FABP6: variants seen among roughly 807,000 people sequenced by gnomAD.
The protein encoded by FABP6 is gastrotropin.
FABP6 carries 13 observed loss-of-function variants against 14.9 expected under a neutral mutation model. The observed-to-expected ratio is 0.87, with a 90% confidence interval of 0.57 to 1.39. The LOEUF is 1.39. Among genes scored for constraint, FABP6 ranks in the 40% most tolerant of loss-of-function variants. The probability of loss-of-function intolerance (pLI) is 0.00; values close to 1 mark genes in which losing one functional copy is unlikely to be tolerated. For synonymous variants in FABP6, 75 were observed against 63.6 expected (o/e 1.18, Z -0.85); for missense variants, 161 against 167.2 (o/e 0.96, Z 0.20).
At chr5:160,202,777 G>T (rs1258998048) in intron 2 of FABP6, among the ~76,000 whole-genome samples, 1 of 145,498 alleles carries the variant, frequency 6.9e-6, no homozygotes, top group Non-Finnish European at 1.5e-5. Flanking sequence ...CCAGCCTGGG[G>T]AACAGAGCGA....
At position 160,229,583 on chromosome 5, in the gene FABP6, T is replaced by C; in HGVS notation, c.26T>C (p.Met9Thr). MAFTGKFE[M>T]ESEKNYDEFM... is the part of the protein sequence containing the mutation. ...ATGGCTTTCACCGGCAAGTTCGAGA[T>C]GGAGAGTGAGAAGAATTATGATGAG... The change falls in exon 1 of 4, where the codon ATG (methionine) becomes ACG (threonine). Residue 9 changes from methionine (M) to threonine (T), a missense_variant. Coordinates refer to ENST00000402432, the MANE Select transcript of FABP6 (RefSeq NM_001445.3). 1 of 1,613,976 alleles carries C rather than the reference T, an allele frequency of 6.2e-7. No homozygotes were observed. The highest frequency in any genetic ancestry group is 8.5e-7 in the Non-Finnish European group (1 of 1,179,916).
In FABP6 at chr5:160,238,595, G is replaced by C; in HGVS notation, c.334-11G>C. The C allele has an allele frequency of 1.2e-6, 2 of 1,613,716 alleles. No homozygotes were observed. Among genetic ancestry groups the C allele is most frequent in the South Asian group, 2.2e-5 (2 of 91,054 alleles). On this transcript the variant is annotated splice_polypyrimidine_tract_variant and intron_variant, in intron 3 of 3. Transcript: ENST00000402432. Reference sequence around the variant, plus strand: ...GGCACTGACTCCCTCTGTCCCGGCTGCTTCTTTCAGGTCTCCACCATCGGA... The same window carrying C: ...GGCACTGACTCCCTCTGTCCCGGCTCCTTCTTTCAGGTCTCCACCATCGGA...
intron 1 of FABP6, among the ~76,000 whole-genome samples, chr5:160,190,177 T>C (rs541524272): frequency 2.0e-5 from 3 of 152,328 alleles, no homozygotes; most frequent in African/African-American, 7.2e-5. Context: ...ATAACCTCTT[T>C]GGTCAAGGGA....
intron 3 of FABP6, among the ~76,000 whole-genome samples, chr5:160,221,012 C>A (rs1760117847): frequency 6.6e-6 from 1 of 151,092 alleles, no homozygotes. Context: ...TTGCTTGAAC[C>A]CTGGAGGCGG....
intron 3 of FABP6, among the ~76,000 whole-genome samples, chr5:160,215,342 C>T (rs147176969): frequency 0.02 from 3,032 of 152,074 alleles, 74 homozygotes; most frequent in African/African-American, 0.06. Context: ...GGTGAAACCC[C>T]GTCTTTACTA....
intron 3 of FABP6, among the ~76,000 whole-genome samples, chr5:160,223,671 T>G (rs1209897078): frequency 4.6e-5 from 7 of 151,476 alleles, no homozygotes; most frequent in Non-Finnish European, 8.8e-5. Flanking sequence ...AAGCGATCTT[T>G]CCGCCTCGGC....
In FABP6 at chr5:160,238,613, C is replaced by T. The variant is rs922164350; in HGVS notation, c.341C>T (p.Thr114Ile). The change falls in exon 4 of 4, where the codon ACC becomes ATC. Residue 114 changes from threonine (T) to isoleucine (I), a missense_variant. Physicochemically the swap from Thr to Ile is moderately conservative, Grantham distance 89 (BLOSUM62 -1). Coordinates refer to ENST00000402432, the MANE Select transcript of FABP6 (RefSeq NM_001445.3). ...IVGDKLVEVS[T>I]IGGVTYERVS... The stretch of plus-strand genomic sequence containing the variant: ...CCCGGCTGCTTCTTTCAGGTCTCCA[C>T]CATCGGAGGCGTGACCTATGAGCGC... 10 of 1,613,984 alleles carry T rather than the reference C, an allele frequency of 6.2e-6. No individual in the cohort carries two copies. Among genetic ancestry groups the T allele is most frequent in the Non-Finnish European group, 8.5e-6 (10 of 1,179,868 alleles).
At chr5:160,222,324 TTTC>T (rs769960101) in intron 3 of FABP6, among the ~76,000 whole-genome samples, 1 of 152,004 alleles carries the variant, frequency 6.6e-6, no homozygotes, top group African/African-American at 2.4e-5. Context: ...TACATTTTCT[TTTC>T]TTCTTCTTCT....
intron 3 of FABP6, among the ~76,000 whole-genome samples, chr5:160,235,543 T>G (rs1451079219): frequency 6.6e-6 from 1 of 152,158 alleles, no homozygotes; most frequent in Non-Finnish European, 1.5e-5. Context: ...TTCCCGTGGG[T>G]CTCCAAGTTT....
chr5:160,210,605 C>G (rs937096533), intron 2 of FABP6, among the ~76,000 whole-genome samples: 1 of 152,196 alleles, frequency 6.6e-6, no homozygotes, highest in Non-Finnish European at 1.5e-5. Flanking sequence ...CTTGCCTCAG[C>G]TCGAAGACCT....
At chr5:160,234,685 C>A in intron 2 of FABP6, 135 bp from the exon 3 acceptor site, 1 of 465,700 alleles carries the variant, frequency 2.1e-6, no homozygotes, top group Non-Finnish European at 3.7e-6. Context: ...CCTCAGTCTC[C>A]CAAAGTGCTG....
At chr5:160,214,962 T>C (rs1759981781) in intron 3 of FABP6, among the ~76,000 whole-genome samples, 1 of 152,142 alleles carries the variant, frequency 6.6e-6, no homozygotes, top group African/African-American at 2.4e-5. Context: ...CTGGTCACCA[T>C]CTCAGAGGTC....
At chr5:160,223,222 TTTG>T (rs1760165413) in intron 3 of FABP6, among the ~76,000 whole-genome samples, 1 of 152,172 alleles carries the variant, frequency 6.6e-6, no homozygotes, top group Non-Finnish European at 1.5e-5. Context: ...GTATTCAAGC[TTTG>T]TTATTATTTT....
chr5:160,205,153 C>T (rs1403678681), intron 2 of FABP6, among the ~76,000 whole-genome samples: 1 of 151,928 alleles, frequency 6.6e-6, no homozygotes, highest in Non-Finnish European at 1.5e-5. Context: ...CCGAGTCTTC[C>T]ATCTGGCATG....
intron 2 of FABP6, among the ~76,000 whole-genome samples, chr5:160,199,872 C>G (rs1759599540): frequency 6.6e-6 from 1 of 152,180 alleles, no homozygotes; most frequent in African/African-American, 2.4e-5. Flanking sequence ...GAGAGACAGG[C>G]CGTCCTACAA....
upstream of FABP6, among the ~76,000 whole-genome samples, chr5:160,225,663 G>T (rs914141048): frequency 2.6e-5 from 4 of 152,036 alleles, no homozygotes; most frequent in Non-Finnish European, 5.9e-5. Context: ...GCCTCCCAAA[G>T]TGCTGGGATT....
chr5:160,229,516 C>G lies in FABP6; in HGVS notation c.-42C>G. 1.2e-6 allele frequency: 2 copies of G among 1,613,542 alleles called. No individual in the cohort carries two copies. Among genetic ancestry groups the G allele is most frequent in the South Asian group, 1.1e-5 (1 of 91,006 alleles). ...AGCAGACCCCTCAGCACCACCCATT[C>G]TCCTCATCCCTCTGCTCTCTGGCCT... On this transcript the variant is annotated 5_prime_UTR_variant, in exon 1 of 4. Coordinates refer to ENST00000402432, the MANE Select transcript of FABP6 (RefSeq NM_001445.3).
intron 3 of FABP6, among the ~76,000 whole-genome samples, chr5:160,220,944 C>T (rs571917071): frequency 1.6e-4 from 24 of 151,764 alleles, no homozygotes; most frequent in Non-Finnish European, 1.9e-4. Flanking sequence ...AAAAATTAGC[C>T]GGGCGTGGTC....
chr5:160,201,790 G>T (rs1049604633), intron 2 of FABP6, among the ~76,000 whole-genome samples: 2 of 151,932 alleles, frequency 1.3e-5, no homozygotes, highest in East Asian at 1.9e-4. Context: ...TTGCGACAGG[G>T]TCTTACTCTA....
Sources: gnomAD v4.1 joint callset for allele counts (sites outside exome capture counted in the v4.1 genomes callset) on GRCh38, gnomAD v4.1.1 for gene constraint, MANE v1.5 for transcripts, NCBI Gene and HGNC (gene_info 2026-07-23, HGNC 2026-07-21) for gene names.